The following ACVR2A variants were observed in gnomAD, a reference collection of about 807,000 sequenced individuals.
ACVR2A encodes activin A receptor type 2A.
Under a neutral mutation model 61.4 loss-of-function variants are expected in ACVR2A, and 7 were observed. The ratio of observed to expected loss-of-function variants is 0.11; its 90% confidence interval spans 0.06 to 0.21. The LOEUF (loss-of-function observed/expected upper bound fraction) is 0.21. Ranked by LOEUF, ACVR2A falls within the 10% of genes least tolerant of loss-of-function variation. The pLI, the probability that ACVR2A is intolerant of heterozygous loss-of-function variation, is 1.00. For synonymous variants in ACVR2A, 193 were observed against 208.3 expected (o/e 0.93, Z 0.63); for missense variants, 322 against 621.7 (o/e 0.52, Z 5.13).
intron 1 of ACVR2A, among the ~76,000 whole-genome samples, chr2:147,859,949 A>G (rs913986809): frequency 1.3e-5 from 2 of 152,148 alleles, no homozygotes; most frequent in South Asian, 2.1e-4. Flanking sequence ...AAAAGGAGCT[A>G]TGTACGACTT....
At chr2:147,878,183 A>G (rs1169759604) in intron 1 of ACVR2A, among the ~76,000 whole-genome samples, 1 of 152,128 alleles carries the variant, frequency 6.6e-6, no homozygotes, top group South Asian at 2.1e-4. Context: ...AAAATTTTTT[A>G]TTTTGGTTTA....
At chr2:147,889,777 A>T (rs1051396332) in intron 1 of ACVR2A, among the ~76,000 whole-genome samples, 1 of 151,886 alleles carries the variant, frequency 6.6e-6, no homozygotes, top group African/African-American at 2.4e-5. Context: ...TTGCAGAGTT[A>T]TGGTAAAACA....
At chr2:147,863,627 A>T (rs921011145) in intron 1 of ACVR2A, among the ~76,000 whole-genome samples, 1 of 152,224 alleles carries the variant, frequency 6.6e-6, no homozygotes, top group Admixed American at 6.5e-5. Flanking sequence ...AAGAAAAATC[A>T]TAAGGGAGGG....
chr2:147,921,801 CTCAT>C (rs1297154287), intron 8 of ACVR2A, among the ~76,000 whole-genome samples: 9 of 152,222 alleles, frequency 5.9e-5, no homozygotes, highest in Admixed American at 5.2e-4. Context: ...AAATTTCTGA[CTCAT>C]TCATGTCATA....
chr2:147,893,931 T>C (rs13016054), intron 1 of ACVR2A, among the ~76,000 whole-genome samples: 5 of 152,158 alleles, frequency 3.3e-5, no homozygotes, highest in Admixed American at 1.3e-4. Context: ...TTCTAAGAAA[T>C]CTTTCGTAAT....
At chr2:147,903,265 A>G (rs1245472222) in intron 4 of ACVR2A, among the ~76,000 whole-genome samples, 1 of 148,046 alleles carries the variant, frequency 6.8e-6, no homozygotes, top group Non-Finnish European at 1.5e-5. Flanking sequence ...TTTTTTTTTC[A>G]TAAGTCCTAT....
intron 1 of ACVR2A, among the ~76,000 whole-genome samples, chr2:147,848,106 G>A (rs1209510865): frequency 2.0e-5 from 3 of 152,128 alleles, no homozygotes; most frequent in Non-Finnish European, 4.4e-5. Context: ...TGGTTGGAGG[G>A]GGAGTTAGCA....
intron 1 of ACVR2A, among the ~76,000 whole-genome samples, chr2:147,863,115 C>G (rs952853607): frequency 1.3e-5 from 2 of 152,182 alleles, no homozygotes; most frequent in Non-Finnish European, 2.9e-5. Flanking sequence ...GTAAGGCTTA[C>G]ATCTATTCTT....
chr2:147,846,135 T>TA (rs1685307949), intron 1 of ACVR2A, among the ~76,000 whole-genome samples: 1 of 152,090 alleles, frequency 6.6e-6, no homozygotes, highest in Non-Finnish European at 1.5e-5. Flanking sequence ...TATAAATAAA[T>TA]ACAGCATCTA....
intron 1 of ACVR2A, 90 bp downstream of exon 1, chr2:147,845,297 C>A (rs1685278784): frequency 1.7e-6 from 2 of 1,200,688 alleles, no homozygotes; most frequent in Admixed American, 2.3e-5. Context: ...GTCGGAGAGT[C>A]CAGTGGAGCC....
At chr2:147,868,621 TTTTA>T (rs566332005) in intron 1 of ACVR2A, among the ~76,000 whole-genome samples, 5 of 150,952 alleles carry the variant, frequency 3.3e-5, no homozygotes, top group East Asian at 3.9e-4. Flanking sequence ...TTTTATTTTA[TTTTA>T]TTTATTTATT....
intron 5 of ACVR2A, 88 bp from the exon 6 acceptor site, chr2:147,917,195 C>A: frequency 7.5e-7 from 1 of 1,337,012 alleles, no homozygotes; most frequent in South Asian, 1.8e-5. Flanking sequence ...TTTTGTTTTA[C>A]TTTGGAACTT....
intron 1 of ACVR2A, among the ~76,000 whole-genome samples, chr2:147,875,116 CTG>C (rs1238636628): frequency 1.3e-5 from 2 of 152,014 alleles, no homozygotes; most frequent in Middle Eastern, 3.4e-3. Context: ...ATATTAATAT[CTG>C]TTTAAATTTA....
chr2:147,883,805 CTTTGT>C (rs1440818784), intron 1 of ACVR2A, among the ~76,000 whole-genome samples: 1 of 151,894 alleles, frequency 6.6e-6, no homozygotes, highest in Non-Finnish European at 1.5e-5. Flanking sequence ...GGTTTTTGTG[CTTTGT>C]TTTATTTTTG....
chr2:147,847,186 T>C (rs942756245), intron 1 of ACVR2A, among the ~76,000 whole-genome samples: 26 of 152,146 alleles, frequency 1.7e-4, no homozygotes, highest in Admixed American at 3.9e-4. Flanking sequence ...TAAACTAATA[T>C]TATGTTGTTG....
At chr2:147,900,235 C>T (rs991288709) in intron 4 of ACVR2A, among the ~76,000 whole-genome samples, 2 of 152,010 alleles carry the variant, frequency 1.3e-5, no homozygotes, top group East Asian at 3.9e-4. Context: ...CTGTCTTTGC[C>T]CTCTGTCCCC....
intron 5 of ACVR2A, among the ~76,000 whole-genome samples, chr2:147,916,474 A>C: frequency 6.6e-6 from 1 of 151,936 alleles, no homozygotes; most frequent in Non-Finnish European, 1.5e-5. Flanking sequence ...ACCCACATGT[A>C]CATAAAATGC....
intron 4 of ACVR2A, among the ~76,000 whole-genome samples, chr2:147,903,282 G>A (rs189959008): frequency 1.3e-4 from 19 of 145,036 alleles, no homozygotes; most frequent in Non-Finnish European, 2.1e-4. Flanking sequence ...CTATATTTCT[G>A]TCATTGTTTC....
At chr2:147,852,380 C>T (rs1685470073) in intron 1 of ACVR2A, among the ~76,000 whole-genome samples, 1 of 151,982 alleles carries the variant, frequency 6.6e-6, no homozygotes, top group East Asian at 1.9e-4. Flanking sequence ...GATTCATTGA[C>T]CAACTAATGG....
Sources: gnomAD v4.1 joint callset for allele counts (sites outside exome capture counted in the v4.1 genomes callset) on GRCh38, gnomAD v4.1.1 for gene constraint, MANE v1.5 for transcripts, NCBI Gene and HGNC (gene_info 2026-07-23, HGNC 2026-07-21) for gene names.